FBN2: variants seen among roughly 807,000 people sequenced by gnomAD.
FBN2 encodes fibrillin-2.
FBN2 carries 105 observed loss-of-function variants against 355.6 expected under a neutral mutation model. That is an observed-to-expected ratio of 0.30 (90% CI 0.25 to 0.35). The LOEUF is 0.35. FBN2 is among the 10% of genes least tolerant of loss of function. FBN2 has a pLI of 1.00. For missense variants in FBN2, 3,280 were observed against 3,758.7 expected, an observed-to-expected ratio of 0.87 and a Z score of 3.33; for synonymous variants, 1,350 against 1,301.2, an observed-to-expected ratio of 1.04 and a Z score of -0.81.
rs886042112 is a variant in FBN2 at position 128,376,790 on chromosome 5, C to G, written c.1913G>C (p.Ser638Thr). 1 of 1,613,102 alleles carries G rather than the reference C, an allele frequency of 6.2e-7. No homozygotes were observed. Among genetic ancestry groups the G allele is most frequent in the South Asian group, 1.1e-5 (1 of 91,074 alleles). ...LNGMCINEDG[S>T]FKCICKPGFV... Reference sequence around the variant, plus strand: ...TCCTGGTTTGCAGATGCACTTGAAGCTGCCATCTTCATTGATGCACATTCC... The same window carrying G: ...TCCTGGTTTGCAGATGCACTTGAAGGTGCCATCTTCATTGATGCACATTCC... The change falls in exon 14 of 65, where the codon AGC becomes ACC. Residue 638 changes from serine to threonine, a missense_variant. Ser to Thr is a moderately conservative substitution (Grantham distance 58). Coordinates refer to ENST00000262464, the MANE Select transcript of FBN2 (RefSeq NM_001999.4).
chr5:128,355,430 T>C (rs939867679), intron 20 of FBN2, among the ~76,000 whole-genome samples: 1 of 152,234 alleles, frequency 6.6e-6, no homozygotes, highest in South Asian at 2.1e-4. Context: ...GTTTGCAGAA[T>C]AGTTGAAGAT....
chr5:128,356,650 T>C (rs150726862), intron 20 of FBN2, among the ~76,000 whole-genome samples: 89 of 152,346 alleles, frequency 5.8e-4, no homozygotes, highest in Middle Eastern at 6.8e-3. Context: ...CAGTAACAGA[T>C]CAATCTCCCT....
chr5:128,530,615 G>A lies in FBN2; in HGVS notation c.416C>T (p.Ser139Leu), dbSNP rs1561501077. 6.2e-7 allele frequency: 1 copy of A among 1,611,118 alleles called. No homozygotes were observed. Among genetic ancestry groups the A allele is most frequent in the Non-Finnish European group, 8.5e-7 (1 of 1,177,390 alleles). Residue 139 changes from serine (S) to leucine (L), a missense_variant, in exon 3 of 65, where the codon TCA becomes TTA. Ser to Leu is a moderately radical substitution (Grantham distance 145). Around this residue, in one of 6 missense-constraint regions of FBN2, gnomAD observed 130 missense variants for 189.9 expected, o/e 0.68. Transcript: ENST00000262464. ...MCTCSSGQISSTCGSKSIQQC... is the reference protein window; with the variant it reads ...MCTCSSGQISLTCGSKSIQQC... ...CATACTTGATTTTGATCCACAGGTTGATGATATTTGCCCACTGGAACAAGT... is the reference window on the plus strand; with the variant it reads ...CATACTTGATTTTGATCCACAGGTTAATGATATTTGCCCACTGGAACAAGT...
chr5:128,364,426 T>C (rs1178826013), intron 18 of FBN2, among the ~76,000 whole-genome samples, 174 bp downstream of exon 18: 1 of 152,190 alleles, frequency 6.6e-6, no homozygotes, highest in Non-Finnish European at 1.5e-5. Context: ...AGAAGTCTGT[T>C]ACTGTGTAAC....
At chr5:128,315,587 TCAA>T (rs879868603) in intron 36 of FBN2, among the ~76,000 whole-genome samples, 18 of 152,364 alleles carry the variant, frequency 1.2e-4, no homozygotes, top group Admixed American at 1.1e-3. Flanking sequence ...TTTAGATTTA[TCAA>T]CACCAATTAG....
At chr5:128,393,565 C>T (rs1194993415) in intron 9 of FBN2, among the ~76,000 whole-genome samples, 197 bp from the exon 10 acceptor site, 1 of 152,158 alleles carries the variant, frequency 6.6e-6, no homozygotes, top group Non-Finnish European at 1.5e-5. Context: ...AATTTAAAAC[C>T]TATATTGTCA....
chr5:128,467,185 G>A (rs1754737159), intron 5 of FBN2, among the ~76,000 whole-genome samples: 1 of 152,102 alleles, frequency 6.6e-6, no homozygotes, highest in Non-Finnish European at 1.5e-5. Context: ...TACCGTCTCT[G>A]TGGAGAAGGG....
rs542548001 is a variant in FBN2, at chr5:128,395,800, G to A, written c.1079-526C>T. Among the ~76,000 whole-genome samples the A allele has an allele frequency of 7.2e-5, 11 of 152,336 alleles. No homozygotes were observed. The South Asian group carries it at 2.3e-3, about 32-fold the overall frequency. ...CACTATGACTAGAGAACAGCATGTG[G>A]AAGGGAAAGTGCAGGAGCATGAGCT... On this transcript the variant is annotated intron_variant, in intron 8 of 64. Coordinates refer to ENST00000262464, the MANE Select transcript of FBN2 (RefSeq NM_001999.4).
chr5:128,355,063 A>G (rs1018642493), intron 20 of FBN2, among the ~76,000 whole-genome samples: 1 of 152,238 alleles, frequency 6.6e-6, no homozygotes, highest in Non-Finnish European at 1.5e-5. Flanking sequence ...GGGAGGACTC[A>G]GTAAAGGAAA....
intron 5 of FBN2, among the ~76,000 whole-genome samples, chr5:128,489,660 C>T (rs1336960945): frequency 3.3e-5 from 5 of 151,924 alleles, no homozygotes; most frequent in Non-Finnish European, 7.4e-5. Context: ...TGCATCAGGC[C>T]CTGTTCTAAC....
intron 34 of FBN2, among the ~76,000 whole-genome samples, chr5:128,325,392 G>C (rs536832966): frequency 6.6e-6 from 1 of 152,242 alleles, no homozygotes; most frequent in South Asian, 2.1e-4. Flanking sequence ...ATCTCTGTTG[G>C]CTTAAAGTCT....
intron 5 of FBN2, among the ~76,000 whole-genome samples, chr5:128,486,325 A>T (rs550998773): frequency 6.6e-6 from 1 of 152,310 alleles, no homozygotes; most frequent in East Asian, 1.9e-4. Flanking sequence ...ATGGAACACA[A>T]TATGACAAAC....
rs1323491226 is a variant in FBN2 at position 128,536,630 on chromosome 5, G to A, written c.255-146C>T. Reference sequence around the variant, plus strand: ...CACTTCAAATTATTGGAGATCGGGAGGCAGACGTGGAAGCAAAAGAGCTAG... The same window carrying A: ...CACTTCAAATTATTGGAGATCGGGAAGCAGACGTGGAAGCAAAAGAGCTAG... On this transcript the variant is annotated intron_variant, in intron 1 of 64. Coordinates refer to ENST00000262464, the MANE Select transcript of FBN2 (RefSeq NM_001999.4). 1.3e-4 allele frequency: 91 copies of A among 712,262 alleles called. 1 individual carries two copies. The highest frequency in any genetic ancestry group is 1.2e-3 in the South Asian group (83 of 66,514). 44.1% of individuals were successfully genotyped at this position (712,262 alleles called of 1,614,324 possible).
intron 6 of FBN2, among the ~76,000 whole-genome samples, chr5:128,453,217 A>G (rs1754299562): frequency 6.6e-6 from 1 of 152,256 alleles, no homozygotes; most frequent in African/African-American, 2.4e-5. Flanking sequence ...TAACAAGAAC[A>G]GAGCATGGTT....
intron 9 of FBN2, among the ~76,000 whole-genome samples, chr5:128,394,762 C>T (rs1752602530): frequency 6.6e-6 from 1 of 152,094 alleles, no homozygotes. Flanking sequence ...ACAAATATGA[C>T]TTGACTTCAA....
chr5:128,537,803 G>A lies in FBN2; in HGVS notation c.-200C>T. On this transcript the variant is annotated 5_prime_UTR_variant, in exon 1 of 65. Transcript: ENST00000262464. ...GACTGCCCGCGAAGCGAGACGCGGG[G>A]CGCCGGGTCTAGCGCAGTGAGCGGC... 1 of 621,966 alleles carries A rather than the reference G, an allele frequency of 1.6e-6. No individual in the cohort carries two copies. The highest frequency in any genetic ancestry group is 1.9e-5 in the South Asian group (1 of 51,456). The allele number at this position is 621,966 out of a possible 1,614,324, so 38.5% of individuals were successfully genotyped here.
At chr5:128,382,584 C>T (rs1417915875) in intron 11 of FBN2, among the ~76,000 whole-genome samples, 3 of 152,058 alleles carry the variant, frequency 2.0e-5, no homozygotes, top group Non-Finnish European at 2.9e-5. Context: ...ACCCTAGACA[C>T]CTAAAACTCA....
chr5:128,385,159 A>G (rs1344894680), intron 11 of FBN2, among the ~76,000 whole-genome samples: 2 of 152,122 alleles, frequency 1.3e-5, no homozygotes, highest in Non-Finnish European at 2.9e-5. Context: ...TTCATCACCC[A>G]TGTAATAAGC....
rs187195833 is a variant in FBN2 at position 128,497,381 on chromosome 5, A to G, written c.628+21892T>C. Among the ~76,000 whole-genome samples, 971 of 152,276 alleles carry G rather than the reference A, an allele frequency of 6.4e-3. 10 individuals carry two copies. Among genetic ancestry groups the G allele is most frequent in the African/African-American group, 0.021 (888 of 41,560 alleles). On this transcript the variant is annotated intron_variant, in intron 5 of 64. Coordinates refer to ENST00000262464, the MANE Select transcript of FBN2 (RefSeq NM_001999.4). Reference sequence around the variant, plus strand: ...AGCTGAATTTCTAGGATCTGGTTTGATAATCATCACAAATCTAATCCCAAA... The same window carrying G: ...AGCTGAATTTCTAGGATCTGGTTTGGTAATCATCACAAATCTAATCCCAAA...
Sources: allele counts gnomAD v4.1 joint callset (sites outside exome capture counted in the v4.1 genomes callset), GRCh38; gene constraint gnomAD v4.1.1; regional missense constraint gnomAD v4.1.1; transcripts MANE v1.5; gene names NCBI Gene and HGNC (gene_info 2026-07-23, HGNC 2026-07-21).